Variants in REDIC1 observed in about 807,000 individuals in gnomAD.
REDIC1 encodes HEI10 Interacting Protein 1.
the REDIC1 span, among the ~76,000 whole-genome samples, chr12:39,831,233 A>G: frequency 1.3e-5 from 2 of 152,188 alleles, no homozygotes; most frequent in African/African-American, 4.8e-5. Context: ...TACCTGGAAC[A>G]GGGGCCCATT....
chr12:39,802,954 C>A, the REDIC1 span, among the ~76,000 whole-genome samples: 1 of 152,136 alleles, frequency 6.6e-6, no homozygotes, highest in Non-Finnish European at 1.5e-5. Context: ...AGTGTGGGAT[C>A]ATCCAAGATA....
At chr12:39,751,861 T>A in the REDIC1 span, among the ~76,000 whole-genome samples, 3 of 151,852 alleles carry the variant, frequency 2.0e-5, no homozygotes, top group Non-Finnish European at 2.9e-5. Context: ...ATGAGAACAC[T>A]TGGACACAGG....
chr12:39,679,500 CA>C, the REDIC1 span, among the ~76,000 whole-genome samples: 1 of 152,122 alleles, frequency 6.6e-6, no homozygotes, highest in Non-Finnish European at 1.5e-5. Flanking sequence ...ATAGATGACA[CA>C]AACAAATGGA....
the REDIC1 span, among the ~76,000 whole-genome samples, chr12:39,806,445 C>T: frequency 1.3e-5 from 2 of 152,156 alleles, no homozygotes; most frequent in Non-Finnish European, 1.5e-5. Context: ...CTAAATGCTA[C>T]AGGATATATA....
the REDIC1 span, among the ~76,000 whole-genome samples, chr12:39,627,045 G>A: frequency 6.6e-6 from 1 of 152,196 alleles, no homozygotes; most frequent in Non-Finnish European, 1.5e-5. Context: ...AATTCTTGAT[G>A]AGAAGAATTG....
At chr12:39,868,823 C>T in the REDIC1 span, among the ~76,000 whole-genome samples, 1 of 152,118 alleles carries the variant, frequency 6.6e-6, no homozygotes, top group African/African-American at 2.4e-5. Flanking sequence ...CCAAAAATGT[C>T]CTACATTTAA....
At chr12:39,778,546 ATTAATT>A in the REDIC1 span, among the ~76,000 whole-genome samples, 3 of 152,192 alleles carry the variant, frequency 2.0e-5, no homozygotes, top group Non-Finnish European at 4.4e-5. Flanking sequence ...AAGTTATATT[ATTAATT>A]TTATTTATTT....
At chr12:39,839,335 T>A in the REDIC1 span, among the ~76,000 whole-genome samples, 6 of 152,044 alleles carry the variant, frequency 3.9e-5, no homozygotes, top group African/African-American at 1.4e-4. Flanking sequence ...TCTCCCTGTT[T>A]AACCATGTAA....
chr12:39,633,586 T>G, the REDIC1 span, among the ~76,000 whole-genome samples: 8 of 152,360 alleles, frequency 5.3e-5, no homozygotes, highest in African/African-American at 1.9e-4. Flanking sequence ...TATTATGGGC[T>G]ATAGATAATT....
At chr12:39,699,902 C>T in the REDIC1 span, among the ~76,000 whole-genome samples, 1 of 152,168 alleles carries the variant, frequency 6.6e-6, no homozygotes, top group Non-Finnish European at 1.5e-5. Context: ...AGAAGGAAAA[C>T]TAACAGAAAG....
chr12:39,642,459 A>G, the REDIC1 span, among the ~76,000 whole-genome samples: 1 of 151,508 alleles, frequency 6.6e-6, no homozygotes, highest in Non-Finnish European at 1.5e-5. Flanking sequence ...CCCAAACAAT[A>G]ATTTCCATAC....
chr12:39,808,721 T>C, the REDIC1 span, among the ~76,000 whole-genome samples: 1 of 152,184 alleles, frequency 6.6e-6, no homozygotes, highest in Admixed American at 6.5e-5. Context: ...GCCATCTTTT[T>C]ATAGTCTTTT....
chr12:39,820,576 C>T, the REDIC1 span, among the ~76,000 whole-genome samples: 136 of 151,972 alleles, frequency 8.9e-4, no homozygotes, highest in African/African-American at 3.2e-3. Context: ...ACAGAGGCAG[C>T]GGTTCTTTGA....
At chr12:39,772,970 A>C in the REDIC1 span, among the ~76,000 whole-genome samples, 2 of 152,234 alleles carry the variant, frequency 1.3e-5, no homozygotes, top group South Asian at 4.1e-4. Context: ...TGAGAATGTG[A>C]CATCACACCT....
chr12:39,699,774 G>C, the REDIC1 span, among the ~76,000 whole-genome samples: 1 of 152,164 alleles, frequency 6.6e-6, no homozygotes, highest in South Asian at 2.1e-4. Flanking sequence ...TCCTCAAGTG[G>C]GTCCCTGACC....
At chr12:39,797,863 A>C in the REDIC1 span, among the ~76,000 whole-genome samples, 12 of 152,166 alleles carry the variant, frequency 7.9e-5, no homozygotes, top group Non-Finnish European at 8.8e-5. Context: ...TAATTAAAGA[A>C]TACTTCTAAT....
At chr12:39,828,625 A>G in the REDIC1 span, among the ~76,000 whole-genome samples, 8 of 152,114 alleles carry the variant, frequency 5.3e-5, no homozygotes, top group Non-Finnish European at 1.2e-4. Flanking sequence ...TTTATAAATT[A>G]ATTATGTAAA....
At chr12:39,893,447 G>A in the REDIC1 span, among the ~76,000 whole-genome samples, 6 of 152,096 alleles carry the variant, frequency 3.9e-5, no homozygotes, top group South Asian at 2.1e-4. Flanking sequence ...CTACAGGTGC[G>A]TGCCACCACA....
At chr12:39,758,010 T>C in the REDIC1 span, 2 of 151,958 alleles carry the variant, frequency 1.3e-5, no homozygotes. Flanking sequence ...TCAATTTACC[T>C]GTGTAAAATA....
Sources: allele counts gnomAD v4.1 joint callset (sites outside exome capture counted in the v4.1 genomes callset), GRCh38; gene constraint gnomAD v4.1.1; transcripts MANE v1.5; gene names NCBI Gene and HGNC (gene_info 2026-07-23, HGNC 2026-07-21).